The following RSRC2 variants were observed in gnomAD, a reference collection of about 807,000 sequenced individuals.
The protein encoded by RSRC2 is arginine and serine rich coiled-coil 2.
RSRC2 carries 5 observed loss-of-function variants against 61.3 expected under a neutral mutation model. The ratio of observed to expected loss-of-function variants is 0.08; its 90% CI spans 0.04 to 0.17. RSRC2 has a LOEUF of 0.17. RSRC2 is among the 10% of genes least tolerant of loss of function. The probability of loss-of-function intolerance (pLI) is 1.00; values close to 1 mark genes in which losing one functional copy is unlikely to be tolerated. For missense variants in RSRC2, 381 were observed against 518.8 expected, an observed-to-expected ratio of 0.73 and a Z score of 2.58; for synonymous variants, 202 against 166.5, an observed-to-expected ratio of 1.21 and a Z score of -1.64.
intron 3 of RSRC2, chr12:122,520,570 C>T (rs752961290): frequency 1.5e-5 from 21 of 1,366,592 alleles, no homozygotes; most frequent in Middle Eastern, 2.1e-4. Context: ...AGTCTCTTCG[C>T]GCATAAGCAC....
chr12:122,507,596 G>C (rs569744570), intron 8 of RSRC2, among the ~76,000 whole-genome samples: 2 of 150,784 alleles, frequency 1.3e-5, no homozygotes, highest in East Asian at 3.9e-4. Context: ...AGTTTTCTTT[G>C]AAAGCTTGAC....
chr12:122,522,125 A>G lies in RSRC2; in HGVS notation c.163+18T>C. 1 of 1,602,068 alleles carries G rather than the reference A, an allele frequency of 6.2e-7. No individual in the cohort carries two copies. The highest frequency in any genetic ancestry group is 8.5e-7 in the Non-Finnish European group (1 of 1,175,222). On this transcript the variant is annotated intron_variant, in intron 2 of 9. Transcript: ENST00000331738. Reference sequence around the variant, plus strand: ...TATACAAATGCTGAGAGTTGTAACCACCTTTAAGAATTCATACCTGACTTT... The same window carrying G: ...TATACAAATGCTGAGAGTTGTAACCGCCTTTAAGAATTCATACCTGACTTT...
rs1958064036 is a variant in RSRC2, at chr12:122,505,617, A to T, written c.1215T>A (p.Ala405=). 6.2e-7 allele frequency: 1 copy of T among 1,614,078 alleles called. No homozygotes were observed. Among genetic ancestry groups the T allele is most frequent in the East Asian group, 2.2e-5 (1 of 44,870 alleles). The change falls in exon 10 of 10, where the codon GCT becomes GCA. Residue 405 remains alanine, a synonymous_variant. Coordinates refer to ENST00000331738, the MANE Select transcript of RSRC2 (RefSeq NM_023012.6). ...QQEEVFRNLD[A]QYEMARSQTH... ...TTTGTGATCTTGCCATTTCATACTG[A>T]GCATCTAAATTTCGAAATACTTCTT...
chr12:122,515,659 T>G (rs1184307513), intron 5 of RSRC2, among the ~76,000 whole-genome samples: 2 of 152,202 alleles, frequency 1.3e-5, no homozygotes. Flanking sequence ...AGTGAATTTG[T>G]AGATGTTTTT....
intron 8 of RSRC2, chr12:122,508,015 G>T: frequency 3.2e-6 from 2 of 618,334 alleles, no homozygotes. Context: ...TGTTGGCCAG[G>T]CTGGTCTTGG....
intron 5 of RSRC2, among the ~76,000 whole-genome samples, chr12:122,515,741 G>C (rs1413319714): frequency 6.6e-6 from 1 of 152,142 alleles, no homozygotes; most frequent in African/African-American, 2.4e-5. Context: ...TGTAATCCCA[G>C]AACTTTGGGA....
At chr12:122,511,395 T>C (rs2137449752) in intron 6 of RSRC2, among the ~76,000 whole-genome samples, 1 of 152,346 alleles carries the variant, frequency 6.6e-6, no homozygotes, top group African/African-American at 2.4e-5. Flanking sequence ...AACAGTGGTT[T>C]TAAACATTTT....
intron 7 of RSRC2, among the ~76,000 whole-genome samples, chr12:122,509,665 C>G (rs1201523958): frequency 1.3e-5 from 2 of 151,790 alleles, no homozygotes; most frequent in East Asian, 3.9e-4. Context: ...CCAGAGTTAC[C>G]AAAGAGAGTA....
At chr12:122,510,793 T>C (rs1385271933) in intron 7 of RSRC2, among the ~76,000 whole-genome samples, 2 of 152,184 alleles carry the variant, frequency 1.3e-5, no homozygotes, top group African/African-American at 4.8e-5. Flanking sequence ...ATGCCTGCAA[T>C]CCCAGCACTT....
rs1958489096 is a variant in RSRC2, at chr12:122,511,268, A to G, written c.726-80T>C. On this transcript the variant is annotated intron_variant, in intron 6 of 9. Coordinates refer to ENST00000331738, the MANE Select transcript of RSRC2 (RefSeq NM_023012.6). ...TATATCTCTCTATATGTGCATGTAC[A>G]GAGACAAGCCAACTTCCATAAAATT... 3.9e-6 allele frequency: 4 copies of G among 1,015,768 alleles called. No homozygotes were observed. The South Asian group carries it at 6.5e-5, about 17-fold the overall frequency. The allele number at this position is 1,015,768 out of a possible 1,614,324, so 62.9% of individuals were successfully genotyped here.
At chr12:122,522,086 A>C in intron 2 of RSRC2, 57 bp downstream of exon 2, 1 of 1,488,994 alleles carries the variant, frequency 6.7e-7, no homozygotes, top group Non-Finnish European at 9.1e-7. Flanking sequence ...CTTATACAAC[A>C]GGTCTACATA....
chr12:122,506,789 G>A (rs768486814), intron 9 of RSRC2, 45 bp downstream of exon 9: 4 of 1,131,314 alleles, frequency 3.5e-6, no homozygotes, highest in East Asian at 4.7e-5. Flanking sequence ...AGTGCAGGAG[G>A]GCTAATAGCT....
At chr12:122,513,833 CTG>C (rs1958707931) in intron 6 of RSRC2, 2 of 985,094 alleles carry the variant, frequency 2.0e-6, no homozygotes, top group African/African-American at 3.5e-5. Flanking sequence ...TCAGGTTACA[CTG>C]TGTTACCAGC....
At chr12:122,513,688 T>A in intron 6 of RSRC2, 1 of 487,126 alleles carries the variant, frequency 2.1e-6, no homozygotes, top group Non-Finnish European at 2.7e-6. Context: ...TGACTACAAC[T>A]GGTTGCATTA....
chr12:122,512,465 C>T (rs1454386087), intron 6 of RSRC2, among the ~76,000 whole-genome samples: 3 of 152,124 alleles, frequency 2.0e-5, no homozygotes, highest in East Asian at 1.9e-4. Flanking sequence ...CCACGCCTCT[C>T]GCCTGTAATT....
Position 122,505,427 on chromosome 12 carries a change from C to A in RSRC2, c.*100G>T, listed in dbSNP as rs1958054962. On this transcript the variant is annotated 3_prime_UTR_variant, in exon 10 of 10. Transcript: ENST00000331738. Reference sequence around the variant, plus strand: ...ATTTTTCAATAAATTAAAGTCAATGCAACACCCATGCAAGCTAGAGTGCTA... The same window carrying A: ...ATTTTTCAATAAATTAAAGTCAATGAAACACCCATGCAAGCTAGAGTGCTA... The A allele has an allele frequency of 9.3e-7, 1 of 1,078,416 alleles. No homozygotes were observed. The highest frequency in any genetic ancestry group is 1.4e-6 in the Non-Finnish European group (1 of 739,644). The allele number at this position is 1,078,416 out of a possible 1,614,324, so 66.8% of individuals were successfully genotyped here. A position where few individuals can be genotyped will look rare whatever the true frequency, so the allele number is the denominator to read the frequency against.
chr12:122,519,784 C>G (rs1275675348), intron 3 of RSRC2: 1 of 152,482 alleles, frequency 6.6e-6, no homozygotes. Flanking sequence ...AAGGCCTTCA[C>G]ATGTGCATTC....
chr12:122,513,315 A>T (rs1300578260), intron 6 of RSRC2, among the ~76,000 whole-genome samples: 1 of 151,630 alleles, frequency 6.6e-6, no homozygotes, highest in East Asian at 1.9e-4. Flanking sequence ...AACAGTTTTA[A>T]ATCCTGACCT....
intron 5 of RSRC2, among the ~76,000 whole-genome samples, chr12:122,516,815 C>T (rs2137503699): frequency 6.6e-6 from 1 of 152,244 alleles, no homozygotes; most frequent in Admixed American, 6.5e-5. Context: ...ACCTCAGCCT[C>T]CCAAGTAGCT....
Sources: gnomAD v4.1 joint callset for allele counts (sites outside exome capture counted in the v4.1 genomes callset) on GRCh38, gnomAD v4.1.1 for gene constraint, MANE v1.5 for transcripts, NCBI Gene and HGNC (gene_info 2026-07-23, HGNC 2026-07-21) for gene names.